The following TMEM245 variants were observed in gnomAD, a reference collection of about 807,000 sequenced individuals.
TMEM245 encodes the protein protein CG-2.
Under a neutral mutation model 101.2 loss-of-function variants are expected in TMEM245, and 69 were observed. That is an observed-to-expected ratio of 0.68 (90% CI 0.56 to 0.83). The LOEUF (loss-of-function observed/expected upper bound fraction) is 0.83. Ranked by LOEUF, TMEM245 falls within the 40% of genes least tolerant of loss-of-function variation. The pLI, the probability that TMEM245 is intolerant of heterozygous loss-of-function variation, is 0.00. For missense variants in TMEM245, 1,075 were observed against 1,092.8 expected, an observed-to-expected ratio of 0.98 and a Z score of 0.23; for synonymous variants, 537 against 449.8, an observed-to-expected ratio of 1.19 and a Z score of -2.45.
Position 109,119,888 on chromosome 9 carries a change from T to A in TMEM245, c.26A>T (p.Asp9Val), listed in dbSNP as rs574526692. Residue 9 changes from aspartate to valine, a missense_variant, in exon 1 of 18, where the codon GAC becomes GTC. Physicochemically the swap from Asp to Val is radical, Grantham distance 152. Around this residue, in one of 2 missense-constraint regions of TMEM245, gnomAD observed 808 missense variants for 741.5 expected, o/e 1.09. Coordinates refer to ENST00000374586, the MANE Select transcript of TMEM245 (RefSeq NM_032012.4). ...GGGAGAGCTCCGCAGGCTTGGCGCGTCCTTAGGGCCGCCGCCGTCGGCCAT... is the reference window on the plus strand; with the variant it reads ...GGGAGAGCTCCGCAGGCTTGGCGCGACCTTAGGGCCGCCGCCGTCGGCCAT... MADGGGPK[D>V]APSLRSSPGP... 1.1e-5 allele frequency: 14 copies of A among 1,273,532 alleles called. No homozygotes were observed. Among genetic ancestry groups the A allele is most frequent in the Admixed American group, 4.2e-5 (1 of 24,064 alleles). 78.9% of individuals were successfully genotyped at this position (1,273,532 alleles called of 1,614,324 possible). A position where few individuals can be genotyped will look rare whatever the true frequency, so the allele number is the denominator to read the frequency against.
chr9:109,060,340 C>G lies in TMEM245; in HGVS notation c.1722+14G>C. The G allele has an allele frequency of 1.3e-6, 2 of 1,590,724 alleles. No homozygotes were observed. The highest frequency in any genetic ancestry group is 1.7e-6 in the Non-Finnish European group (2 of 1,166,368). On this transcript the variant is annotated intron_variant, in intron 11 of 17. Transcript: ENST00000374586. The stretch of plus-strand genomic sequence containing the variant: ...ATTAGTTTACAACAGGAAACTTTAG[C>G]TAAAATAACTTACCTTTACAAACCA...
chr9:109,046,392 G>A, intron 14 of TMEM245: 4 of 447,166 alleles, frequency 8.9e-6, no homozygotes, highest in South Asian at 5.0e-5. Context: ...AATGGTCTGG[G>A]GATAAAGGAT....
intron 14 of TMEM245, among the ~76,000 whole-genome samples, chr9:109,039,833 A>G (rs1381211660): frequency 1.3e-5 from 2 of 152,062 alleles, no homozygotes; most frequent in East Asian, 3.9e-4. Context: ...TAATGACATA[A>G]TCGACCACAG....
intron 7 of TMEM245, 66 bp from the exon 8 acceptor site, chr9:109,081,009 A>G: frequency 9.7e-7 from 1 of 1,031,282 alleles, no homozygotes; most frequent in Non-Finnish European, 1.5e-6. Flanking sequence ...CATATACTCA[A>G]TTGTCATAAA....
At chr9:109,099,083 T>C (rs911977525) in intron 3 of TMEM245, among the ~76,000 whole-genome samples, 19 of 152,224 alleles carry the variant, frequency 1.2e-4, no homozygotes, top group Admixed American at 2.6e-4. Flanking sequence ...AACATGCTTA[T>C]TGGAAGCAGG....
chr9:109,076,324 G>C (rs1829498388), intron 8 of TMEM245, among the ~76,000 whole-genome samples: 1 of 146,080 alleles, frequency 6.8e-6, no homozygotes, highest in Admixed American at 7.0e-5. Context: ...GATGGGAACT[G>C]AACAATGAGA....
intron 17 of TMEM245, among the ~76,000 whole-genome samples, chr9:109,032,536 C>T (rs1282080451): frequency 1.3e-5 from 2 of 151,394 alleles, no homozygotes; most frequent in African/African-American, 4.9e-5. Flanking sequence ...AGGCACCTGC[C>T]ACCACATCTG....
chr9:109,060,062 T>C (rs865854861), intron 11 of TMEM245, among the ~76,000 whole-genome samples: 5 of 152,230 alleles, frequency 3.3e-5, no homozygotes, highest in Non-Finnish European at 5.9e-5. Context: ...AATTTAACAT[T>C]ACCTTATGTG....
At chr9:109,057,088 TTA>T in intron 12 of TMEM245, 101 bp downstream of exon 12, 1 of 1,290,520 alleles carries the variant, frequency 7.7e-7, no homozygotes, top group Non-Finnish European at 1.1e-6. Context: ...TGTCATGATG[TTA>T]AAAACAGGAT....
intron 17 of TMEM245, among the ~76,000 whole-genome samples, chr9:109,022,377 G>A (rs1827653956): frequency 6.6e-6 from 1 of 152,206 alleles, no homozygotes; most frequent in East Asian, 1.9e-4. Flanking sequence ...TCTAATAATT[G>A]AAATGAATTT....
rs1213366655 is a variant in TMEM245, at chr9:109,019,851, G to C, written c.*609C>G. ...AAGAGGAGGAAGAGCTTCAGTCTTT[G>C]TATCTCCCAGGGTTATAATATAAAA... On this transcript the variant is annotated 3_prime_UTR_variant, in exon 18 of 18. Coordinates refer to ENST00000374586, the MANE Select transcript of TMEM245 (RefSeq NM_032012.4). The C allele has an allele frequency of 6.6e-6, 1 of 152,276 alleles. No individual in the cohort carries two copies. The highest frequency in any genetic ancestry group is 1.5e-5 in the Non-Finnish European group (1 of 68,048). 9.4% of individuals were successfully genotyped at this position (152,276 alleles called of 1,614,324 possible).
intron 14 of TMEM245, among the ~76,000 whole-genome samples, chr9:109,045,430 C>A (rs1828459422): frequency 6.6e-6 from 1 of 152,152 alleles, no homozygotes; most frequent in Non-Finnish European, 1.5e-5. Context: ...TGGTGAAACA[C>A]AGAAACATAC....
intron 2 of TMEM245, among the ~76,000 whole-genome samples, chr9:109,107,142 C>T (rs1232629186): frequency 6.6e-6 from 1 of 151,888 alleles, no homozygotes; most frequent in Non-Finnish European, 1.5e-5. Flanking sequence ...AATCCCAGCA[C>T]TTTGGGGGGC....
intron 5 of TMEM245, among the ~76,000 whole-genome samples, chr9:109,090,552 C>G (rs1056944773): frequency 6.6e-6 from 1 of 151,688 alleles, no homozygotes; most frequent in African/African-American, 2.4e-5. Flanking sequence ...GAAACGCTGT[C>G]TCTACTAAAA....
intron 11 of TMEM245, among the ~76,000 whole-genome samples, chr9:109,058,596 T>C (rs1015014471): frequency 2.0e-5 from 3 of 152,092 alleles, no homozygotes; most frequent in African/African-American, 7.2e-5. Flanking sequence ...ACAAGCATGA[T>C]GGTAGGAATG....
At chr9:109,098,958 CT>C (rs2132607136) in intron 3 of TMEM245, among the ~76,000 whole-genome samples, 2 of 152,302 alleles carry the variant, frequency 1.3e-5, no homozygotes, top group East Asian at 1.9e-4. Context: ...AGCAGACTAA[CT>C]TTTTTAATAA....
chr9:109,069,420 C>G (rs1041701455), intron 9 of TMEM245, among the ~76,000 whole-genome samples: 1 of 152,148 alleles, frequency 6.6e-6, no homozygotes, highest in Non-Finnish European at 1.5e-5. Flanking sequence ...TTCCTAAAAT[C>G]CCATACCTGA....
At chr9:109,095,159 C>A (rs1398453291) in intron 3 of TMEM245, among the ~76,000 whole-genome samples, 7 of 152,112 alleles carry the variant, frequency 4.6e-5, no homozygotes, top group Non-Finnish European at 1.0e-4. Context: ...GAGAGGAAAG[C>A]CTAAGTTAGA....
At chr9:109,073,582 C>A in intron 8 of TMEM245, 144 bp from the exon 9 acceptor site, 1 of 596,756 alleles carries the variant, frequency 1.7e-6, no homozygotes, top group Non-Finnish European at 2.9e-6. Context: ...AAACATGCAG[C>A]GCAAAGTTAC....
Sources: gnomAD v4.1 joint callset for allele counts (sites outside exome capture counted in the v4.1 genomes callset) on GRCh38, gnomAD v4.1.1 for gene constraint, gnomAD v4.1.1 regional missense constraint, MANE v1.5 for transcripts, NCBI Gene and HGNC (gene_info 2026-07-23, HGNC 2026-07-21) for gene names.